Variants in CCDC57 observed in about 807,000 individuals in gnomAD.
CCDC57 encodes the protein coiled-coil domain-containing protein 57.
CCDC57 carries 118 observed loss-of-function variants against 118.9 expected under a neutral mutation model. That is an observed-to-expected ratio of 0.99 (90% confidence interval 0.86 to 1.16). The LOEUF is 1.16. CCDC57 is among the 50% of genes most tolerant of loss of function. The probability of loss-of-function intolerance (pLI) is 0.00; values close to 1 mark genes in which losing one functional copy is unlikely to be tolerated. For synonymous variants in CCDC57, 527 were observed against 532.9 expected (o/e 0.99, Z 0.15); for missense variants, 1,300 against 1,320.7 (o/e 0.98, Z 0.24).
chr17:82,196,434 C>T (rs1345806124), intron 4 of CCDC57, among the ~76,000 whole-genome samples: 3 of 152,308 alleles, frequency 2.0e-5, no homozygotes, highest in South Asian at 2.1e-4. Flanking sequence ...CTGTGAACAA[C>T]GGGAGTGAGC....
At chr17:82,180,515 A>T (rs986997144) in intron 9 of CCDC57, among the ~76,000 whole-genome samples, 1 of 152,200 alleles carries the variant, frequency 6.6e-6, no homozygotes, top group African/African-American at 2.4e-5. Context: ...TTGCTCTGTC[A>T]CCCAGGCTGG....
chr17:82,115,912 C>T (rs1233657982), intron 19 of CCDC57, among the ~76,000 whole-genome samples: 1 of 148,306 alleles, frequency 6.7e-6, no homozygotes, highest in Non-Finnish European at 1.5e-5. Flanking sequence ...ATTCTCCTGC[C>T]TCAGCCTCTG....
intron 19 of CCDC57, among the ~76,000 whole-genome samples, chr17:82,124,889 C>G (rs1354989435): frequency 6.6e-6 from 1 of 152,152 alleles, no homozygotes; most frequent in Non-Finnish European, 1.5e-5. Context: ...AACGAATGAA[C>G]ACGAACGTCT....
intron 3 of CCDC57, among the ~76,000 whole-genome samples, chr17:82,198,866 G>A (rs1343461376): frequency 6.6e-6 from 1 of 151,414 alleles, no homozygotes; most frequent in East Asian, 2.0e-4. Context: ...GGTGGCGGGC[G>A]CCTGTAGTCC....
intron 16 of CCDC57, among the ~76,000 whole-genome samples, chr17:82,146,732 C>G (rs1217111267): frequency 6.6e-6 from 1 of 152,230 alleles, no homozygotes; most frequent in Non-Finnish European, 1.5e-5. Context: ...TGCATGCACA[C>G]ACACGGTCTA....
chr17:82,157,587 G>A (rs2042829317), intron 15 of CCDC57, 161 bp downstream of exon 14: 3 of 1,436,354 alleles, frequency 2.1e-6, no homozygotes, highest in African/African-American at 1.4e-5. Flanking sequence ...ATGGGGAGAG[G>A]GGGTGGAGCA....
chr17:82,146,558 T>G (rs2040763488), intron 16 of CCDC57, among the ~76,000 whole-genome samples: 1 of 152,058 alleles, frequency 6.6e-6, no homozygotes. Flanking sequence ...AACTCAATGT[T>G]TAGGTGGGGA....
At chr17:82,151,838 C>A (rs1440376869) in intron 15 of CCDC57, 65 bp from the exon 15 acceptor site, 7 of 1,407,318 alleles carry the variant, frequency 5.0e-6, no homozygotes, top group Non-Finnish European at 4.8e-6. Flanking sequence ...GCCAGGGGTG[C>A]CCACCCAAGG....
intron 16 of CCDC57, among the ~76,000 whole-genome samples, chr17:82,140,094 TG>T (rs2145552947): frequency 6.6e-6 from 1 of 152,260 alleles, no homozygotes; most frequent in Admixed American, 6.5e-5. Context: ...TTTTTTTGTT[TG>T]TTTTTTTTGA....
intron 3 of CCDC57, among the ~76,000 whole-genome samples, chr17:82,198,764 G>A (rs959851900): frequency 5.9e-5 from 9 of 152,012 alleles, no homozygotes; most frequent in Admixed American, 6.5e-5. Context: ...GCCGAGGTGG[G>A]CGGATCACAA....
exon 6 of CCDC57, chr17:82,193,995 T>G: frequency 6.2e-7 from 1 of 1,611,232 alleles, no homozygotes; most frequent in Non-Finnish European, 8.5e-7. Context: ...GCGCGGCTCA[T>G]GGCCTCCAGG....
chr17:82,200,213 C>T (rs1290791164), intron 3 of CCDC57, among the ~76,000 whole-genome samples: 8 of 152,310 alleles, frequency 5.3e-5, no homozygotes, highest in African/African-American at 1.2e-4. Flanking sequence ...CTGAGCAAAC[C>T]GGCCCAACAC....
intron 19 of CCDC57, among the ~76,000 whole-genome samples, chr17:82,104,381 C>T (rs991508260): frequency 6.6e-5 from 10 of 152,328 alleles, no homozygotes; most frequent in African/African-American, 2.4e-4. Context: ...CCTGAAACAT[C>T]CAAGGCCTTG....
At chr17:82,101,915 G>C in intron 19 of CCDC57, 49 bp from the exon 19 acceptor site, 1 of 1,489,736 alleles carries the variant, frequency 6.7e-7, no homozygotes, top group South Asian at 1.4e-5. Context: ...GGCAGGGGGA[G>C]CAGGAGGCTG....
At chr17:82,110,902 G>A (rs947774239) in intron 19 of CCDC57, among the ~76,000 whole-genome samples, 88 of 151,550 alleles carry the variant, frequency 5.8e-4, no homozygotes, top group African/African-American at 2.1e-3. Flanking sequence ...GCACATGCCT[G>A]TAATCCCAGC....
chr17:82,194,844 C>G (rs2048108329), intron 5 of CCDC57, among the ~76,000 whole-genome samples: 1 of 152,282 alleles, frequency 6.6e-6, no homozygotes, highest in Admixed American at 6.5e-5. Context: ...CCTTCCTGGG[C>G]CTGTTTCCCA....
chr17:82,188,102 G>T (rs1194597405), intron 8 of CCDC57, 117 bp downstream of exon 7: 1 of 729,912 alleles, frequency 1.4e-6, no homozygotes, highest in African/African-American at 1.9e-5. Flanking sequence ...AGCTACAGAA[G>T]CCACTCTGTC....
At position 82,167,905 on chromosome 17, in the gene CCDC57, G is replaced by A. The variant is rs149791876; in HGVS notation, c.1882+3796C>T. Among the ~76,000 whole-genome samples the A allele has an allele frequency of 2.8e-3, 430 of 152,322 alleles. 2 individuals carry two copies. Among genetic ancestry groups the A allele is most frequent in the African/African-American group, 9.9e-3 (412 of 41,574 alleles). On this transcript the variant is annotated intron_variant, in intron 13 of 19. Transcript: ENST00000665763. The stretch of plus-strand genomic sequence containing the variant: ...TGCTGGGATGACAGGCATGAGCCAC[G>A]GCGCCCGGCCTGTCAACGTAATTTT...
chr17:82,119,412 ATGCCCCTGCACCTGTGGG>A (rs1598676116), intron 19 of CCDC57, among the ~76,000 whole-genome samples: 2 of 151,962 alleles, frequency 1.3e-5, no homozygotes, highest in South Asian at 2.1e-4. Context: ...ATCAAGGATC[ATGCCCCTGCACCTGTGGG>A]TGCCCCCCCA....
Sources: allele counts gnomAD v4.1 joint callset (sites outside exome capture counted in the v4.1 genomes callset), GRCh38; gene constraint gnomAD v4.1.1; transcripts MANE v1.5; gene names NCBI Gene and HGNC (gene_info 2026-07-23, HGNC 2026-07-21).